The following TTC28 variants were observed in gnomAD, a reference collection of about 807,000 sequenced individuals.
TTC28 encodes tetratricopeptide repeat domain 28, also known as tetratricopeptide repeat protein 28.
A neutral mutation model predicts 198.0 loss-of-function variants in TTC28; 61 were observed. That is an observed-to-expected ratio of 0.31 (90% CI 0.25 to 0.38). The LOEUF (loss-of-function observed/expected upper bound fraction) is 0.38. Among genes scored for constraint, TTC28 ranks in the 10% least tolerant of loss-of-function variants. The probability of loss-of-function intolerance (pLI) is 1.00; values close to 1 mark genes in which losing one functional copy is unlikely to be tolerated. For synonymous variants in TTC28, 1,171 were observed against 1,297.8 expected, an observed-to-expected ratio of 0.90 and a Z score of 2.10; for missense variants, 2,678 against 3,164.0, an observed-to-expected ratio of 0.85 and a Z score of 3.69.
rs992515365 is a variant in TTC28 at position 27,996,123 on chromosome 22, C to T, written c.5244+12G>A. 1.2e-5 allele frequency: 19 copies of T among 1,545,764 alleles called. No individual in the cohort carries two copies. Among genetic ancestry groups the T allele is most frequent in the African/African-American group, 5.5e-5 (4 of 73,040 alleles). ...CAGCTCTCGTTGAGTGCAGGGTGCC[C>T]GACCCCCTTACCAGGTGCAGCAGCA... On this transcript the variant is annotated intron_variant, in intron 17 of 22. Coordinates refer to ENST00000397906, the MANE Select transcript of TTC28 (RefSeq NM_001145418.2).
chr22:28,557,430 G>T (rs2049803663), intron 2 of TTC28, among the ~76,000 whole-genome samples: 1 of 152,088 alleles, frequency 6.6e-6, no homozygotes. Context: ...CTGAAGCTAG[G>T]TTTAAGCTGC....
intron 13 of TTC28, among the ~76,000 whole-genome samples, chr22:28,021,540 AG>A (rs1049882152): frequency 6.6e-6 from 1 of 152,112 alleles, no homozygotes; most frequent in Non-Finnish European, 1.5e-5. Flanking sequence ...GGTGAGCTGC[AG>A]GGGGGGAATT....
At chr22:28,409,311 T>G (rs2047045323) in intron 2 of TTC28, among the ~76,000 whole-genome samples, 1 of 152,196 alleles carries the variant, frequency 6.6e-6, no homozygotes. Flanking sequence ...ATTCAATCTC[T>G]TATTTGATGC....
At chr22:28,301,485 A>G (rs2045024558) in intron 3 of TTC28, among the ~76,000 whole-genome samples, 1 of 152,228 alleles carries the variant, frequency 6.6e-6, no homozygotes, top group Non-Finnish European at 1.5e-5. Context: ...TAACACTTGA[A>G]GAGCTTGTAG....
chr22:28,632,343 T>TTGCAACCTC (rs1471012775), intron 1 of TTC28, among the ~76,000 whole-genome samples: 1 of 142,882 alleles, frequency 7.0e-6, no homozygotes, highest in Non-Finnish European at 1.5e-5. Context: ...TCTCGACTCA[T>TTGCAACCTC]TGCAACCTCT....
chr22:28,014,397 G>A lies in TTC28; in HGVS notation c.4074-5C>T, dbSNP rs568799996. Reference sequence around the variant, plus strand: ...CTCGTCATGCTCTGGCAGCTCCTGGGGAGGGAAGGGCCGAGGGATCAATCA... The same window carrying A: ...CTCGTCATGCTCTGGCAGCTCCTGGAGAGGGAAGGGCCGAGGGATCAATCA... On this transcript the variant is annotated splice_region_variant and splice_polypyrimidine_tract_variant and intron_variant, in intron 13 of 22. Coordinates refer to ENST00000397906, the MANE Select transcript of TTC28 (RefSeq NM_001145418.2). 10 of 1,548,130 alleles carry A rather than the reference G, an allele frequency of 6.5e-6. No homozygotes were observed. The East Asian group carries it at 2.0e-4, about 30-fold the overall frequency.
chr22:28,215,640 G>A (rs1333270420), intron 5 of TTC28, among the ~76,000 whole-genome samples: 1 of 152,144 alleles, frequency 6.6e-6, no homozygotes, highest in Non-Finnish European at 1.5e-5. Flanking sequence ...GTGTGTGTAT[G>A]TGTAAGAGAG....
intron 2 of TTC28, among the ~76,000 whole-genome samples, chr22:28,619,372 T>C (rs2050954880): frequency 6.6e-6 from 1 of 152,212 alleles, no homozygotes; most frequent in African/African-American, 2.4e-5. Context: ...AGACTTCAGC[T>C]AATAAGGAGG....
chr22:28,575,224 T>C (rs2050126911), intron 2 of TTC28, among the ~76,000 whole-genome samples: 1 of 152,222 alleles, frequency 6.6e-6, no homozygotes. Flanking sequence ...AAGGGTCTAG[T>C]TTCATCCTTC....
chr22:28,517,153 T>A (rs753589906), intron 2 of TTC28, among the ~76,000 whole-genome samples: 5 of 152,132 alleles, frequency 3.3e-5, no homozygotes, highest in African/African-American at 1.2e-4. Flanking sequence ...GAAAAAGACT[T>A]ACAATAAAGG....
intron 1 of TTC28, among the ~76,000 whole-genome samples, chr22:28,659,868 G>A (rs913598326): frequency 6.6e-6 from 1 of 151,460 alleles, no homozygotes; most frequent in Non-Finnish European, 1.5e-5. Flanking sequence ...GCATGATCAT[G>A]GCTCACTGCA....
intron 2 of TTC28, among the ~76,000 whole-genome samples, chr22:28,394,375 A>T (rs1458964101): frequency 6.6e-6 from 1 of 152,248 alleles, no homozygotes; most frequent in Non-Finnish European, 1.5e-5. Context: ...TTTGAAAACA[A>T]CTAAAAACAT....
chr22:27,982,795 G>C lies in TTC28; in HGVS notation c.6872C>G (p.Pro2291Arg). 6.5e-7 allele frequency: 1 copy of C among 1,544,838 alleles called. No homozygotes were observed. The highest frequency in any genetic ancestry group is 8.8e-7 in the Non-Finnish European group (1 of 1,142,722). ...LDQPLFKLKYPSSPYSAHISK... is the reference protein window; with the variant it reads ...LDQPLFKLKYRSSPYSAHISK... ...AATGTGAGCGCTGTAAGGAGAGCTG[G>C]GGTACTTCAGTTTAAAGAGAGGCTG... The change falls in exon 23 of 23, where the codon CCC (proline) becomes CGC (arginine). Residue 2291 changes from proline to arginine, a missense_variant. Pro to Arg is a moderately radical substitution (Grantham distance 103). This residue lies in a region of TTC28 where 622 missense variants were observed against 656.0 expected (regional missense o/e 0.95). Coordinates refer to ENST00000397906, the MANE Select transcript of TTC28 (RefSeq NM_001145418.2). The surrounding 1 kb of genome is among the most constrained non-coding windows in gnomAD (Gnocchi z 5.2).
chr22:28,524,027 TA>T (rs1273008175), intron 2 of TTC28, among the ~76,000 whole-genome samples: 2 of 152,108 alleles, frequency 1.3e-5, no homozygotes. Context: ...TAGTACTTAG[TA>T]GGAAACCCTG....
chr22:28,178,927 T>C (rs1202873829), intron 5 of TTC28, among the ~76,000 whole-genome samples: 3 of 152,234 alleles, frequency 2.0e-5, no homozygotes, highest in East Asian at 1.9e-4. Flanking sequence ...TTTGACTACA[T>C]AGTTTAGCCT....
At chr22:28,606,725 T>C (rs2050742643) in intron 2 of TTC28, among the ~76,000 whole-genome samples, 1 of 152,158 alleles carries the variant, frequency 6.6e-6, no homozygotes, top group Admixed American at 6.5e-5. Context: ...TTCAAACGCA[T>C]ACAAATTATA....
intron 1 of TTC28, among the ~76,000 whole-genome samples, chr22:28,635,328 C>A (rs920586913): frequency 1.3e-5 from 2 of 151,918 alleles, no homozygotes; most frequent in Non-Finnish European, 2.9e-5. Flanking sequence ...CTCAAAAAAA[C>A]AAAACAAAGC....
intron 2 of TTC28, among the ~76,000 whole-genome samples, chr22:28,524,839 T>C (rs2048977781): frequency 6.6e-6 from 1 of 152,200 alleles, no homozygotes; most frequent in African/African-American, 2.4e-5. Context: ...TATATACTTT[T>C]GGAGGGCAAT....
intron 2 of TTC28, among the ~76,000 whole-genome samples, chr22:28,526,983 C>G (rs1363646432): frequency 6.6e-6 from 1 of 152,054 alleles, no homozygotes; most frequent in Non-Finnish European, 1.5e-5. Flanking sequence ...TTCTTGAGCT[C>G]CTGACCTCAG....
Sources: allele counts gnomAD v4.1 joint callset (sites outside exome capture counted in the v4.1 genomes callset), GRCh38; gene constraint gnomAD v4.1.1; regional missense constraint gnomAD v4.1.1; non-coding constraint Gnocchi (gnomAD v3.1); transcripts MANE v1.5; gene names NCBI Gene and HGNC (gene_info 2026-07-23, HGNC 2026-07-21).